SUN1: variants seen among roughly 807,000 people sequenced by gnomAD.
SUN1 encodes SUN domain-containing protein 1.
SUN1 carries 61 observed loss-of-function variants against 103.2 expected under a neutral mutation model. That is an observed-to-expected ratio of 0.59 (90% confidence interval 0.48 to 0.73). The LOEUF (loss-of-function observed/expected upper bound fraction) is 0.73. Ranked by LOEUF, SUN1 falls within the 30% of genes least tolerant of loss-of-function variation. The pLI is 0.00. For synonymous variants in SUN1, 490 were observed against 425.7 expected (o/e 1.15, Z -1.86); for missense variants, 1,052 against 1,034.6 (o/e 1.02, Z -0.23).
At chr7:865,656 G>C (rs187585214) in intron 15 of SUN1, among the ~76,000 whole-genome samples, 1 of 152,226 alleles carries the variant, frequency 6.6e-6, no homozygotes, top group East Asian at 1.9e-4. Flanking sequence ...TTTTCTTGGG[G>C]ACCTCCAAAC....
At chr7:871,787 C>A (rs1043647426) in intron 17 of SUN1, among the ~76,000 whole-genome samples, 1 of 152,220 alleles carries the variant, frequency 6.6e-6, no homozygotes, top group Non-Finnish European at 1.5e-5. Flanking sequence ...GAAGTCCTTT[C>A]CCATTTCAAA....
At chr7:867,329 C>A (rs1837804473) in intron 16 of SUN1, among the ~76,000 whole-genome samples, 1 of 152,262 alleles carries the variant, frequency 6.6e-6, no homozygotes, top group Non-Finnish European at 1.5e-5. Context: ...TGTGCCAGCT[C>A]ACGAGTGCCA....
chr7:819,679 A>G (rs943435756), intron 1 of SUN1, among the ~76,000 whole-genome samples: 1 of 148,830 alleles, frequency 6.7e-6, no homozygotes, highest in African/African-American at 2.5e-5. Flanking sequence ...TCTGTTCTGC[A>G]GGTCTGTATG....
At chr7:817,088 C>G (rs1404539523) in intron 1 of SUN1, among the ~76,000 whole-genome samples, 2 of 152,090 alleles carry the variant, frequency 1.3e-5, no homozygotes, top group Admixed American at 6.5e-5. Flanking sequence ...GGGTCCCAGC[C>G]CCTGGAAGTA....
intron 5 of SUN1, chr7:849,773 G>A: frequency 9.1e-7 from 1 of 1,103,576 alleles, no homozygotes; most frequent in Non-Finnish European, 1.4e-6. Flanking sequence ...GAAGCTCATA[G>A]CCACCAGATC....
In SUN1 at chr7:852,873, G is replaced by A; in HGVS notation, c.974G>A (p.Ser325Asn). ...TTCTTGCCCGTGTTGAACTGGGCAAGCATGCATAGAACACAGCGGGTGGAT... is the reference window on the plus strand; with the variant it reads ...TTCTTGCCCGTGTTGAACTGGGCAAACATGCATAGAACACAGCGGGTGGAT... The part of the protein sequence containing the change: ...FSFLPVLNWA[S>N]MHRTQRVDDP... The change falls in exon 9 of 19, where the codon AGC becomes AAC. Residue 325 changes from serine (S) to asparagine (N), a missense_variant. Ser to Asn is a conservative substitution (Grantham distance 46). Transcript: ENST00000401592. The A allele has an allele frequency of 6.2e-7, 1 of 1,614,138 alleles. No homozygotes were observed. The highest frequency in any genetic ancestry group is 2.2e-5 in the East Asian group (1 of 44,882).
At chr7:864,819 G>T (rs1835118188) in intron 15 of SUN1, among the ~76,000 whole-genome samples, 1 of 152,118 alleles carries the variant, frequency 6.6e-6, no homozygotes, top group Non-Finnish European at 1.5e-5. Flanking sequence ...AGTAGAGATG[G>T]AGTTTCACCA....
At chr7:864,855 C>T (rs540569333) in intron 15 of SUN1, among the ~76,000 whole-genome samples, 12 of 152,072 alleles carry the variant, frequency 7.9e-5, no homozygotes, top group Non-Finnish European at 1.6e-4. Context: ...TCTGGAACTC[C>T]TGACCTCAGG....
At position 873,289 on chromosome 7, in the gene SUN1, C is replaced by T. The variant is rs1175827444; in HGVS notation, c.2316C>T (p.Thr772=). The change falls in exon 19 of 19, where the codon ACC becomes ACT. Residue 772 remains threonine, a synonymous_variant. Transcript: ENST00000401592. ...CTAACTGGGGCCATCCTGAGTATAC[C>T]TGTCTGTATCGGTTCAGAGTTCATG... ...IFSNWGHPEY[T]CLYRFRVHGE... 6.2e-7 allele frequency: 1 copy of T among 1,614,184 alleles called. No homozygotes were observed.
intron 5 of SUN1, among the ~76,000 whole-genome samples, chr7:847,310 G>A (rs1397848040): frequency 6.8e-5 from 10 of 147,492 alleles, no homozygotes; most frequent in East Asian, 4.1e-4. Context: ...GGGTTACTCC[G>A]CAGTCCAGGC....
intron 10 of SUN1, among the ~76,000 whole-genome samples, 158 bp from the exon 11 acceptor site, chr7:854,762 A>G (rs1418989704): frequency 6.6e-6 from 1 of 152,226 alleles, no homozygotes; most frequent in African/African-American, 2.4e-5. Flanking sequence ...AAATAAGGAT[A>G]TTGTTATGAA....
intron 2 of SUN1, 136 bp downstream of exon 2, chr7:839,122 C>T: frequency 1.2e-6 from 1 of 815,680 alleles, no homozygotes; most frequent in Non-Finnish European, 1.7e-6. Flanking sequence ...TACAGACACA[C>T]AAACCTGTCA....
chr7:867,942 G>T (rs1258039722), intron 16 of SUN1, among the ~76,000 whole-genome samples: 1 of 152,210 alleles, frequency 6.6e-6, no homozygotes, highest in Non-Finnish European at 1.5e-5. Flanking sequence ...CCCCAAGAGG[G>T]GTACCAGGGA....
intron 2 of SUN1, among the ~76,000 whole-genome samples, chr7:840,412 C>T (rs946643575): frequency 4.6e-5 from 7 of 152,218 alleles, no homozygotes; most frequent in Admixed American, 2.6e-4. Context: ...TGTACTGCCA[C>T]GCCGCGCTCT....
At chr7:833,498 A>G (rs544383719) in intron 1 of SUN1, among the ~76,000 whole-genome samples, 1 of 151,972 alleles carries the variant, frequency 6.6e-6, no homozygotes, top group Non-Finnish European at 1.5e-5. Context: ...TTTAATAGAG[A>G]TGGGGTTTCA....
intron 1 of SUN1, chr7:816,739 C>CG: frequency 6.8e-6 from 1 of 147,060 alleles, no homozygotes; most frequent in Non-Finnish European, 1.5e-5. Flanking sequence ...GGACGCGAGG[C>CG]GGGGGCCCGG....
At chr7:832,782 A>G (rs548337376) in intron 1 of SUN1, among the ~76,000 whole-genome samples, 181 bp downstream of exon 1, 11 of 152,290 alleles carry the variant, frequency 7.2e-5, no homozygotes, top group African/African-American at 2.6e-4. Flanking sequence ...GCTTTAAGGT[A>G]AACTGAATCT....
At chr7:822,850 A>G (rs1787580449) in intron 1 of SUN1, among the ~76,000 whole-genome samples, 1 of 152,234 alleles carries the variant, frequency 6.6e-6, no homozygotes, top group African/African-American at 2.4e-5. Flanking sequence ...GAGAGGCCCA[A>G]GCGCAGCACA....
chr7:852,904 C>T lies in SUN1; in HGVS notation c.1005C>T (p.Pro335=), dbSNP rs1823601619. Residue 335 remains proline, a synonymous_variant, in exon 9 of 19, where the codon CCC becomes CCT. Transcript: ENST00000401592. ...SMHRTQRVDD[P]QDVFKPTTSR... is the part of the protein sequence containing the mutation. The stretch of plus-strand genomic sequence containing the variant: ...ATAGAACACAGCGGGTGGATGACCC[C>T]CAGGACGTGTTTAAACCCACGACTT... The T allele has an allele frequency of 1.9e-6, 3 of 1,614,078 alleles. No individual in the cohort carries two copies. In the East Asian group the frequency reaches 6.7e-5, roughly 36 times the overall value.
Sources: allele counts gnomAD v4.1 joint callset (sites outside exome capture counted in the v4.1 genomes callset), GRCh38; gene constraint gnomAD v4.1.1; transcripts MANE v1.5; gene names NCBI Gene and HGNC (gene_info 2026-07-23, HGNC 2026-07-21).